Variants in GRM1 observed in about 807,000 individuals in gnomAD.
The protein encoded by GRM1 is glutamate metabotropic receptor 1, also known as metabotropic glutamate receptor 1.
In GRM1, 33 loss-of-function variants were observed where a neutral mutation model predicts 90.9. The ratio of observed to expected loss-of-function variants is 0.36; its 90% confidence interval spans 0.28 to 0.49. The LOEUF (loss-of-function observed/expected upper bound fraction) is 0.49, where lower values mean the gene tolerates loss of function less well. Ranked by LOEUF, GRM1 falls within the 20% of genes least tolerant of loss-of-function variation. GRM1 has a pLI of 0.99. For synonymous variants in GRM1, 700 were observed against 613.2 expected (o/e 1.14, Z -2.09); for missense variants, 1,190 against 1,534.3 (o/e 0.78, Z 3.75).
At chr6:146,385,425 A>G (rs1227605669) in intron 5 of GRM1, among the ~76,000 whole-genome samples, 2 of 151,946 alleles carry the variant, frequency 1.3e-5, no homozygotes, top group East Asian at 1.9e-4. Flanking sequence ...TAGAATATAT[A>G]TATACGGTCA....
chr6:146,119,219 A>G (rs960547714), intron 1 of GRM1, among the ~76,000 whole-genome samples: 1 of 152,198 alleles, frequency 6.6e-6, no homozygotes, highest in East Asian at 1.9e-4. Context: ...TCATTTGTCT[A>G]TTGGCTGCAT....
At chr6:146,225,874 G>A (rs561789309) in intron 2 of GRM1, among the ~76,000 whole-genome samples, 4 of 152,174 alleles carry the variant, frequency 2.6e-5, no homozygotes, top group African/African-American at 7.2e-5. Flanking sequence ...TAGTATAAAT[G>A]AGTATGGCAA....
At chr6:146,391,473 G>A (rs1776719794) in intron 6 of GRM1, among the ~76,000 whole-genome samples, 1 of 151,978 alleles carries the variant, frequency 6.6e-6, no homozygotes, top group Admixed American at 6.6e-5. Flanking sequence ...GAGGTTAGGT[G>A]GACGCTACTC....
intron 1 of GRM1, among the ~76,000 whole-genome samples, chr6:146,141,363 GTCT>G (rs1776875379): frequency 6.6e-6 from 1 of 150,498 alleles, no homozygotes; most frequent in Admixed American, 6.6e-5. Context: ...CCTCGAAGTA[GTCT>G]TCTTTGGGTT....
chr6:146,041,947 A>G (rs576950757), intron 1 of GRM1, among the ~76,000 whole-genome samples: 1 of 151,976 alleles, frequency 6.6e-6, no homozygotes, highest in Non-Finnish European at 1.5e-5. Flanking sequence ...GTGTCTGGTG[A>G]GGGCTGCTGT....
Position 146,220,311 on chromosome 6 carries a change from A to G in GRM1, c.950+60714A>G, listed in dbSNP as rs535599487. On this transcript the variant is annotated intron_variant, in intron 2 of 7. Coordinates refer to ENST00000282753, the MANE Select transcript of GRM1 (RefSeq NM_001278064.2). ...AACTAAATGTGTATTATCAGGTCCA[A>G]TGCCAAAAGTCACTTTATTTTTAAG... Among the ~76,000 whole-genome samples the G allele has an allele frequency of 3.9e-5, 6 of 152,294 alleles. No homozygotes were observed. In the East Asian group the frequency reaches 7.7e-4, roughly 20 times the overall value.
rs777789695 is a variant in GRM1 at position 146,434,058 on chromosome 6, C to T, written c.2847C>T (p.Thr949=). The T allele has an allele frequency of 6.2e-7, 1 of 1,614,166 alleles. No individual in the cohort carries two copies. Among genetic ancestry groups the T allele is most frequent in the South Asian group, 1.1e-5 (1 of 91,084 alleles). ...GCAAGAGCCTGACCTTTTCAGATAC[C>T]AGCACCAAGACCCTTTACAACGTAG... is the stretch of plus-strand genomic sequence containing the variant. The part of the protein sequence containing the change: ...GSGKSLTFSD[T]STKTLYNVEE... The change falls in exon 8 of 8, where the codon ACC becomes ACT. Residue 949 remains threonine, a synonymous_variant. Transcript: ENST00000282753.
intron 2 of GRM1, among the ~76,000 whole-genome samples, chr6:146,211,382 T>A (rs1779683588): frequency 6.6e-6 from 1 of 152,152 alleles, no homozygotes; most frequent in Non-Finnish European, 1.5e-5. Flanking sequence ...AAAATGTGTT[T>A]TCTTAACCAC....
At chr6:146,342,390 A>G (rs1159866759) in intron 3 of GRM1, among the ~76,000 whole-genome samples, 1 of 152,212 alleles carries the variant, frequency 6.6e-6, no homozygotes, top group East Asian at 1.9e-4. Context: ...ACACACAAAC[A>G]TTTGTTAATA....
intron 2 of GRM1, among the ~76,000 whole-genome samples, chr6:146,270,961 CTTTCT>C (rs1165689776): frequency 1.3e-4 from 17 of 131,302 alleles, no homozygotes; most frequent in African/African-American, 3.4e-4. Context: ...TCCTTTCTTT[CTTTCT>C]TTTTTTTTTC....
chr6:146,077,864 G>A (rs985419684), intron 1 of GRM1, among the ~76,000 whole-genome samples: 1 of 152,128 alleles, frequency 6.6e-6, no homozygotes, highest in Admixed American at 6.5e-5. Flanking sequence ...GTCAAGACAG[G>A]GCAGAGGCAA....
At position 146,399,781 on chromosome 6, in the gene GRM1, GTC is replaced by G; in HGVS notation, c.2660+87_2660+88del. The G allele has an allele frequency of 1.1e-6, 1 of 920,568 alleles. No individual in the cohort carries two copies. The highest frequency in any genetic ancestry group is 1.7e-6 in the Non-Finnish European group (1 of 588,318). The allele number at this position is 920,568 out of a possible 1,614,324, so 57.0% of individuals were successfully genotyped here. ...TCTCTCTCTCTCTCTCTCTTTCTCT[GTC>G]TCTCATATCTTCCTCTAGTTTTCTG... is the stretch of plus-strand genomic sequence containing the variant. On this transcript the variant is annotated intron_variant, in intron 7 of 7. Coordinates refer to ENST00000282753, the MANE Select transcript of GRM1 (RefSeq NM_001278064.2). This position sits in a 1 kb window ranked among gnomAD's most constrained non-coding sequence, Gnocchi z 5.4.
intron 2 of GRM1, among the ~76,000 whole-genome samples, chr6:146,196,516 A>G: frequency 7.3e-6 from 1 of 136,410 alleles, no homozygotes; most frequent in South Asian, 2.3e-4. Flanking sequence ...CATGTTAGCC[A>G]GGATGGTCTC....
intron 3 of GRM1, among the ~76,000 whole-genome samples, chr6:146,331,844 G>T (rs362950): frequency 0.011 from 1,731 of 152,182 alleles, 72 homozygotes; most frequent in East Asian, 0.079. Flanking sequence ...AAAAAGTCTA[G>T]TCTAGCCATC....
intron 2 of GRM1, among the ~76,000 whole-genome samples, chr6:146,280,706 A>C (rs1417410087): frequency 2.0e-5 from 3 of 152,034 alleles, no homozygotes; most frequent in Admixed American, 6.6e-5. Flanking sequence ...GCAGCCTCAA[A>C]CTCGTGAGCT....
chr6:146,403,371 AT>A (rs1342588413), intron 7 of GRM1, among the ~76,000 whole-genome samples: 1 of 152,178 alleles, frequency 6.6e-6, no homozygotes, highest in Non-Finnish European at 1.5e-5. Context: ...TTCCTATGAT[AT>A]TTTGCATGCA....
intron 1 of GRM1, among the ~76,000 whole-genome samples, chr6:146,068,273 CTGGCTAATTTT>C (rs533488846): frequency 0.011 from 1,632 of 152,292 alleles, 26 homozygotes; most frequent in African/African-American, 0.037. Flanking sequence ...GCCACCTCGC[CTGGCTAATTTT>C]TTGTATTTTT....
intron 5 of GRM1, among the ~76,000 whole-genome samples, chr6:146,374,982 C>T (rs928284095): frequency 2.0e-5 from 3 of 151,724 alleles, no homozygotes; most frequent in African/African-American, 7.3e-5. Context: ...GTTTTTTTCT[C>T]TTTTTTGATG....
intron 4 of GRM1, among the ~76,000 whole-genome samples, chr6:146,356,956 A>C (rs1443138973): frequency 1.3e-5 from 2 of 152,158 alleles, no homozygotes; most frequent in Non-Finnish European, 2.9e-5. Flanking sequence ...ATTTGGTTTC[A>C]AAAATATTTA....
Sources: allele counts gnomAD v4.1 joint callset (sites outside exome capture counted in the v4.1 genomes callset), GRCh38; gene constraint gnomAD v4.1.1; non-coding constraint Gnocchi (gnomAD v3.1); transcripts MANE v1.5; gene names NCBI Gene and HGNC (gene_info 2026-07-23, HGNC 2026-07-21).